MPRIP: variants seen among roughly 807,000 people sequenced by gnomAD.
The protein encoded by MPRIP is myosin phosphatase Rho interacting protein.
Under a neutral mutation model 234.9 loss-of-function variants are expected in MPRIP, and 59 were observed. The ratio of observed to expected loss-of-function variants is 0.25; its 90% confidence interval spans 0.20 to 0.31. MPRIP has a LOEUF of 0.31. Ranked by LOEUF, MPRIP falls within the 10% of genes least tolerant of loss-of-function variation. The probability of loss-of-function intolerance (pLI) is 1.00; values close to 1 mark genes in which losing one functional copy is unlikely to be tolerated. For synonymous variants in MPRIP, 1,144 were observed against 1,263.9 expected, an observed-to-expected ratio of 0.91 and a Z score of 2.01; for missense variants, 2,436 against 3,071.0, an observed-to-expected ratio of 0.79 and a Z score of 4.89.
chr17:17,155,236 C>G (rs192549358), intron 13 of MPRIP, among the ~76,000 whole-genome samples: 7 of 151,348 alleles, frequency 4.6e-5, no homozygotes, highest in African/African-American at 1.2e-4. Flanking sequence ...TCCATGGAAG[C>G]TTTGACCTAA....
At position 17,159,358 on chromosome 17, in the gene MPRIP, C is replaced by T. The variant is rs565126384; in HGVS notation, c.2400+356C>T. The stretch of plus-strand genomic sequence containing the variant: ...CGAGCAGGGCAAGGCTTTTGCATTA[C>T]GCAGCCCTGGCTTGGACAGGTCAAA... On this transcript the variant is annotated intron_variant, in intron 14 of 23. Transcript: ENST00000651222. 5.3e-5 allele frequency among the ~76,000 whole-genome samples: 8 copies of T among 152,372 alleles called. No individual in the cohort carries two copies. The East Asian group carries it at 1.2e-3, about 22-fold the overall frequency.
At chr17:17,056,535 C>T (rs935911155) in intron 1 of MPRIP, among the ~76,000 whole-genome samples, 3 of 152,080 alleles carry the variant, frequency 2.0e-5, no homozygotes, top group Non-Finnish European at 4.4e-5. Context: ...GGGTAGTTTA[C>T]AGCCAGCCAG....
chr17:17,149,373 G>A (rs1470022240), intron 11 of MPRIP, among the ~76,000 whole-genome samples: 9 of 151,940 alleles, frequency 5.9e-5, no homozygotes, highest in African/African-American at 2.2e-4. Flanking sequence ...GTCATCTGTA[G>A]TCCCAGCTAC....
chr17:17,056,371 G>A (rs1239960354), intron 1 of MPRIP, among the ~76,000 whole-genome samples: 1 of 152,156 alleles, frequency 6.6e-6, no homozygotes, highest in South Asian at 2.1e-4. Context: ...CTGTGGCCAC[G>A]GGCTGTTTGT....
Position 17,185,737 on chromosome 17 carries a change from G to A in MPRIP, c.*843G>A. The A allele has an allele frequency of 2.9e-6, 1 of 344,922 alleles. No homozygotes were observed. 21.4% of individuals were successfully genotyped at this position (344,922 alleles called of 1,614,324 possible). On this transcript the variant is annotated 3_prime_UTR_variant, in exon 24 of 24. Coordinates refer to ENST00000651222, the MANE Select transcript of MPRIP (RefSeq NM_001364716.4). ...CAGGAATCATTCAAAATGGGGGAAG[G>A]TTTGGGGGTTTGGGTTTTTTTTTTA... is the stretch of plus-strand genomic sequence containing the variant.
chr17:17,060,931 A>G lies in MPRIP; in HGVS notation c.124-14779A>G, dbSNP rs1040867240. Among the ~76,000 whole-genome samples, 4 of 152,204 alleles carry G rather than the reference A, an allele frequency of 2.6e-5. 1 individual carries two copies. Among genetic ancestry groups the G allele is most frequent in the Admixed American group, 2.0e-4 (3 of 15,282 alleles). ...ATGGACAACTTTTAGTAGTTCTAGC[A>G]CAGTTTGGTCAACACAGGACAAGCC... On this transcript the variant is annotated intron_variant, in intron 1 of 23. Transcript: ENST00000651222.
rs372089723 is a variant in MPRIP, at chr17:17,126,769, G to T, written c.335G>T (p.Arg112Leu). 2 of 1,614,060 alleles carry T rather than the reference G, an allele frequency of 1.2e-6. No homozygotes were observed. The highest frequency in any genetic ancestry group is 8.5e-7 in the Non-Finnish European group (1 of 1,180,008). The change falls in exon 4 of 24, where the codon CGC becomes CTC. Residue 112 changes from arginine to leucine, a missense_variant. Physicochemically the swap from Arg to Leu is moderately radical, Grantham distance 102. This residue lies in a region of MPRIP where 140 missense variants were observed against 207.3 expected (regional missense o/e 0.68). Coordinates refer to ENST00000651222, the MANE Select transcript of MPRIP (RefSeq NM_001364716.4). ...ACAGATGTGGTGGATGGGGAGGGCCGCACGGGCCAGAAGTTCTCCCTGTGT... is the reference window on the plus strand; with the variant it reads ...ACAGATGTGGTGGATGGGGAGGGCCTCACGGGCCAGAAGTTCTCCCTGTGT... ...QCTDVVDGEG[R>L]TGQKFSLCIL...
chr17:17,054,110 A>G (rs1472642401), intron 1 of MPRIP, among the ~76,000 whole-genome samples: 1 of 152,242 alleles, frequency 6.6e-6, no homozygotes, highest in African/African-American at 2.4e-5. Context: ...ATGGAAATAC[A>G]TGTGAGCTAT....
rs61740553 is a variant in MPRIP, at chr17:17,165,509, C to T, written c.3918C>T (p.Gly1306=). The T allele has an allele frequency of 5.2e-4, 680 of 1,304,372 alleles. 3 individuals are homozygous for T. In the African/African-American group the frequency reaches 9.6e-3, roughly 18 times the overall value. The allele number at this position is 1,304,372 out of a possible 1,614,324, so 80.8% of individuals were successfully genotyped here. Residue 1306 remains glycine, a synonymous_variant, in exon 16 of 24, where the codon GGC becomes GGT. Transcript: ENST00000651222. ...TTGACAGGGAGGGCCATCAGCAGGGCACAGCCAAACTCGACCAAGGGGCAC... is the reference window on the plus strand; with the variant it reads ...TTGACAGGGAGGGCCATCAGCAGGGTACAGCCAAACTCGACCAAGGGGCAC... ...EVLDREGHQQ[G]TAKLDQGAPG...
At position 17,075,758 on chromosome 17, in the gene MPRIP, G is replaced by A. The variant is rs768965198; in HGVS notation, c.172G>A (p.Asp58Asn). Residue 58 changes from aspartate to asparagine, a missense_variant, in exon 2 of 24, where the codon GAC becomes AAC. By Grantham distance (23) the Asp-to-Asn change is conservative. Transcript: ENST00000651222. ...GCTGCTCCTGGCTCCAGATGGGACC[G>A]ACTTTGACAACCCAGTGCACCGGTC... ...GWLLLAPDGT[D>N]FDNPVHRSRK... 6.2e-6 allele frequency: 10 copies of A among 1,613,902 alleles called. No homozygotes were observed. The highest frequency in any genetic ancestry group is 5.3e-5 in the African/African-American group (4 of 74,870).
At chr17:17,099,874 T>C (rs2089923923) in intron 3 of MPRIP, among the ~76,000 whole-genome samples, 1 of 152,240 alleles carries the variant, frequency 6.6e-6, no homozygotes, top group Non-Finnish European at 1.5e-5. Flanking sequence ...AACTAACATA[T>C]GTCTTGTACA....
chr17:17,169,981 C>A (rs2046095127), intron 16 of MPRIP: 1 of 151,848 alleles, frequency 6.6e-6, no homozygotes, highest in African/African-American at 2.4e-5. Flanking sequence ...TTGACTCTTA[C>A]CTGCATAATA....
chr17:17,058,941 G>A (rs1045409213), intron 1 of MPRIP, among the ~76,000 whole-genome samples: 1 of 152,172 alleles, frequency 6.6e-6, no homozygotes, highest in Non-Finnish European at 1.5e-5. Flanking sequence ...GGGTGGCTAG[G>A]TCAGCAGTTC....
At chr17:17,143,192 C>T (rs1173950737) in intron 8 of MPRIP, among the ~76,000 whole-genome samples, 1 of 152,212 alleles carries the variant, frequency 6.6e-6, no homozygotes, top group Non-Finnish European at 1.5e-5. Flanking sequence ...TCATCTTCTC[C>T]TGGCTTCTCT....
chr17:17,148,192 C>T (rs559622607), intron 11 of MPRIP, among the ~76,000 whole-genome samples: 5 of 152,240 alleles, frequency 3.3e-5, no homozygotes, highest in Admixed American at 2.6e-4. Flanking sequence ...AGAGTGTGGG[C>T]GGTGGGCCTC....
intron 21 of MPRIP, 118 bp from the exon 22 acceptor site, chr17:17,177,129 GCCT>G (rs1344459239): frequency 2.0e-6 from 2 of 988,650 alleles, no homozygotes; most frequent in African/African-American, 1.6e-5. Flanking sequence ...AGGTGAACAA[GCCT>G]CCTCTTCCGC....
At chr17:17,133,223 T>C (rs1191560227) in intron 5 of MPRIP, among the ~76,000 whole-genome samples, 1 of 152,206 alleles carries the variant, frequency 6.6e-6, no homozygotes, top group Non-Finnish European at 1.5e-5. Context: ...GTTCCTAGCC[T>C]TCTGCACTCA....
At chr17:17,128,306 C>A (rs774996774) in intron 4 of MPRIP, among the ~76,000 whole-genome samples, 20 of 152,138 alleles carry the variant, frequency 1.3e-4, no homozygotes, top group Non-Finnish European at 2.5e-4. Context: ...GTCTCCAGGG[C>A]AAGCTGGGGA....
chr17:17,050,946 T>G (rs2088521060), intron 1 of MPRIP, among the ~76,000 whole-genome samples: 2 of 152,240 alleles, frequency 1.3e-5, no homozygotes, highest in South Asian at 4.1e-4. Context: ...TTACCTGATC[T>G]TTTCCTCTGA....
Sources: gnomAD v4.1 joint callset for allele counts (sites outside exome capture counted in the v4.1 genomes callset) on GRCh38, gnomAD v4.1.1 for gene constraint, gnomAD v4.1.1 regional missense constraint, MANE v1.5 for transcripts, NCBI Gene and HGNC (gene_info 2026-07-23, HGNC 2026-07-21) for gene names.